QTMAN: variants seen among roughly 807,000 people sequenced by gnomAD.
QTMAN encodes queuosine-tRNA mannosyltransferase.
chr2:144,095,453 A>G, the QTMAN span, among the ~76,000 whole-genome samples: 1 of 152,120 alleles, frequency 6.6e-6, no homozygotes, highest in Admixed American at 6.6e-5. Context: ...TGGTCTCAAT[A>G]ATAATAAACA....
chr2:144,329,272 T>C, the QTMAN span, among the ~76,000 whole-genome samples: 1 of 151,730 alleles, frequency 6.6e-6, no homozygotes, highest in Non-Finnish European at 1.5e-5. Context: ...AACATGCTAT[T>C]ATTCTGATAT....
At chr2:144,320,739 C>T in the QTMAN span, among the ~76,000 whole-genome samples, 1 of 152,182 alleles carries the variant, frequency 6.6e-6, no homozygotes, top group Non-Finnish European at 1.5e-5. Flanking sequence ...TGAGTCACGG[C>T]ATTCTTTGAA....
At chr2:144,292,970 A>G in the QTMAN span, among the ~76,000 whole-genome samples, 1 of 152,238 alleles carries the variant, frequency 6.6e-6, no homozygotes, top group African/African-American at 2.4e-5. Context: ...GCACCAAGCT[A>G]CATACCAATA....
chr2:143,960,232 T>G, the QTMAN span, among the ~76,000 whole-genome samples: 1 of 152,072 alleles, frequency 6.6e-6, no homozygotes, highest in East Asian at 1.9e-4. Context: ...ATAAGTACAC[T>G]GCAAAATGCC....
the QTMAN span, among the ~76,000 whole-genome samples, chr2:143,979,245 T>C: frequency 2.7e-5 from 4 of 150,446 alleles, no homozygotes; most frequent in African/African-American, 9.8e-5. Context: ...TTGAGAGTAA[T>C]AGAATTTATA....
the QTMAN span, among the ~76,000 whole-genome samples, chr2:143,997,944 G>C: frequency 1.3e-5 from 2 of 152,176 alleles, no homozygotes; most frequent in Admixed American, 6.6e-5. Flanking sequence ...GTCAACTGCA[G>C]CTGAAATAGG....
the QTMAN span, chr2:143,952,662 G>A: frequency 1.2e-6 from 1 of 806,186 alleles, no homozygotes. Context: ...CTAACATGTT[G>A]ACTTGCCAAA....
chr2:144,210,170 T>C, the QTMAN span, among the ~76,000 whole-genome samples: 1 of 152,124 alleles, frequency 6.6e-6, no homozygotes, highest in Admixed American at 6.6e-5. Context: ...AGGACATACA[T>C]GTTTGAACCT....
the QTMAN span, among the ~76,000 whole-genome samples, chr2:144,181,655 A>G: frequency 6.6e-6 from 1 of 152,162 alleles, no homozygotes; most frequent in East Asian, 1.9e-4. Context: ...CGCTAAAAAT[A>G]CAAAAATGAG....
At chr2:143,987,692 C>A in the QTMAN span, among the ~76,000 whole-genome samples, 1 of 152,200 alleles carries the variant, frequency 6.6e-6, no homozygotes, top group Non-Finnish European at 1.5e-5. Flanking sequence ...CCTTGCTTCC[C>A]AGCAATAAGG....
At chr2:143,952,031 A>G in the QTMAN span, 2 of 1,606,398 alleles carry the variant, frequency 1.2e-6, no homozygotes, top group Admixed American at 3.3e-5. Flanking sequence ...GAAATTCTGG[A>G]GCCTTTTTGA....
the QTMAN span, among the ~76,000 whole-genome samples, chr2:144,327,853 G>C: frequency 6.6e-6 from 1 of 152,068 alleles, no homozygotes; most frequent in African/African-American, 2.4e-5. Flanking sequence ...TTCCACAAAG[G>C]ACCTGGAATA....
the QTMAN span, among the ~76,000 whole-genome samples, chr2:144,087,321 C>T: frequency 6.6e-6 from 1 of 152,074 alleles, no homozygotes; most frequent in African/African-American, 2.4e-5. Flanking sequence ...TAGTTAAAAA[C>T]ATTCCCACAA....
At chr2:144,213,573 C>A in the QTMAN span, among the ~76,000 whole-genome samples, 1 of 152,186 alleles carries the variant, frequency 6.6e-6, no homozygotes, top group African/African-American at 2.4e-5. Context: ...TCCATAGACA[C>A]CTTTCTGTTA....
chr2:144,294,281 A>G, the QTMAN span: 1 of 152,250 alleles, frequency 6.6e-6, no homozygotes, highest in Non-Finnish European at 1.5e-5. Context: ...GCATCCTGCC[A>G]CAAGGCCTTT....
At chr2:144,134,258 G>T in the QTMAN span, among the ~76,000 whole-genome samples, 3 of 152,064 alleles carry the variant, frequency 2.0e-5, no homozygotes, top group African/African-American at 7.2e-5. Flanking sequence ...CACAGCCTGG[G>T]AGTTTTCATT....
the QTMAN span, among the ~76,000 whole-genome samples, chr2:144,111,309 CT>C: frequency 6.6e-6 from 1 of 152,316 alleles, no homozygotes; most frequent in Middle Eastern, 3.4e-3. Context: ...GTTTCTTCCC[CT>C]GTACCCTTAT....
chr2:144,134,598 A>C, the QTMAN span, among the ~76,000 whole-genome samples: 1 of 152,120 alleles, frequency 6.6e-6, no homozygotes, highest in Admixed American at 6.6e-5. Flanking sequence ...TGACAATCCA[A>C]TGTGGTGGGA....
chr2:144,146,489 T>C, the QTMAN span, among the ~76,000 whole-genome samples: 1 of 151,614 alleles, frequency 6.6e-6, no homozygotes, highest in African/African-American at 2.4e-5. Flanking sequence ...CAATTTACTC[T>C]CTCATTCCAC....
Sources: allele counts gnomAD v4.1 joint callset (sites outside exome capture counted in the v4.1 genomes callset), GRCh38; gene constraint gnomAD v4.1.1; transcripts MANE v1.5; gene names NCBI Gene and HGNC (gene_info 2026-07-23, HGNC 2026-07-21).